Variants in CSGALNACT1 observed in about 807,000 individuals in gnomAD.
CSGALNACT1 encodes chondroitin sulfate N-acetylgalactosaminyltransferase 1.
A neutral mutation model predicts 51.0 loss-of-function variants in CSGALNACT1; 52 were observed. The observed-to-expected ratio is 1.02, with a 90% CI of 0.82 to 1.29. The LOEUF (loss-of-function observed/expected upper bound fraction) is 1.29, where lower values mean the gene tolerates loss of function less well. CSGALNACT1 is among the 50% of genes most tolerant of loss of function. The pLI, the probability that CSGALNACT1 is intolerant of heterozygous loss-of-function variation, is 0.00. For missense variants in CSGALNACT1, 935 were observed against 679.2 expected (o/e 1.38, Z -4.19); for synonymous variants, 341 against 254.4 (o/e 1.34, Z -3.24).
At chr8:19,700,419 T>C (rs756594698) in intron 1 of CSGALNACT1, among the ~76,000 whole-genome samples, 1 of 152,216 alleles carries the variant, frequency 6.6e-6, no homozygotes, top group Non-Finnish European at 1.5e-5. Flanking sequence ...ATCAGGCTAA[T>C]AGCCTTCCTT....
chr8:19,581,899 A>T (rs1177909728), intron 3 of CSGALNACT1, among the ~76,000 whole-genome samples: 1 of 152,220 alleles, frequency 6.6e-6, no homozygotes, highest in African/African-American at 2.4e-5. Flanking sequence ...TCAAAGGATT[A>T]ACAAATTTAT....
intron 1 of CSGALNACT1, among the ~76,000 whole-genome samples, chr8:19,756,886 G>A (rs1025570710): frequency 6.6e-6 from 1 of 152,032 alleles, no homozygotes; most frequent in Non-Finnish European, 1.5e-5. Flanking sequence ...CCCCGGGAGC[G>A]CAGCGGCCCC....
chr8:19,498,979 G>A (rs1321673980), intron 4 of CSGALNACT1, among the ~76,000 whole-genome samples: 1 of 152,100 alleles, frequency 6.6e-6, no homozygotes, highest in Non-Finnish European at 1.5e-5. Context: ...GGCTGGACAT[G>A]GTGGTACACA....
At chr8:19,457,089 C>T (rs1387561281) in intron 5 of CSGALNACT1, among the ~76,000 whole-genome samples, 1 of 152,198 alleles carries the variant, frequency 6.6e-6, no homozygotes, top group Admixed American at 6.5e-5. Flanking sequence ...GGTGCACACA[C>T]ACATTGCCTA....
chr8:19,542,458 C>G (rs190928516), intron 3 of CSGALNACT1, among the ~76,000 whole-genome samples: 23 of 152,264 alleles, frequency 1.5e-4, no homozygotes, highest in African/African-American at 5.5e-4. Flanking sequence ...GTGACAGTCT[C>G]CCAGTCCCAG....
chr8:19,699,346 ATAG>A (rs1223127325), intron 1 of CSGALNACT1, among the ~76,000 whole-genome samples: 1 of 152,246 alleles, frequency 6.6e-6, no homozygotes, highest in African/African-American at 2.4e-5. Flanking sequence ...ACCCATGTTC[ATAG>A]TAGCATTATT....
At chr8:19,420,411 A>G in exon 7 of CSGALNACT1, 1 of 1,614,180 alleles carries the variant, frequency 6.2e-7, no homozygotes, top group African/African-American at 1.3e-5. Flanking sequence ...ACAGAAAAAG[A>G]GAAGGACGTT....
chr8:19,478,500 C>T (rs895151294), intron 4 of CSGALNACT1, among the ~76,000 whole-genome samples: 1 of 151,378 alleles, frequency 6.6e-6, no homozygotes, highest in South Asian at 2.1e-4. Flanking sequence ...GGTGTAGCCT[C>T]GACTCCCCAA....
intron 3 of CSGALNACT1, among the ~76,000 whole-genome samples, chr8:19,555,976 G>C (rs1038837179): frequency 1.3e-5 from 2 of 152,144 alleles, no homozygotes; most frequent in Non-Finnish European, 2.9e-5. Context: ...ACAGCCATCA[G>C]GAACCGGCAT....
chr8:19,699,282 G>A (rs1384535338), intron 1 of CSGALNACT1, among the ~76,000 whole-genome samples: 7 of 152,116 alleles, frequency 4.6e-5, no homozygotes, highest in African/African-American at 1.7e-4. Flanking sequence ...AACCCACAAG[G>A]CCAAGTGTAT....
At chr8:19,670,621 G>A (rs1471187145) in intron 1 of CSGALNACT1, among the ~76,000 whole-genome samples, 3 of 106,210 alleles carry the variant, frequency 2.8e-5, no homozygotes, top group African/African-American at 1.1e-4. Flanking sequence ...TCAACCCTCA[G>A]ACCAGAACTG....
intron 1 of CSGALNACT1, among the ~76,000 whole-genome samples, chr8:19,634,577 A>C (rs2055755996): frequency 6.6e-6 from 1 of 152,154 alleles, no homozygotes; most frequent in African/African-American, 2.4e-5. Flanking sequence ...TGGGTGGATC[A>C]CTTGAGCCCA....
intron 6 of CSGALNACT1, among the ~76,000 whole-genome samples, chr8:19,437,458 G>A (rs1042536767): frequency 2.6e-5 from 4 of 152,130 alleles, no homozygotes; most frequent in African/African-American, 7.2e-5. Flanking sequence ...GTACTGTGAA[G>A]TCAACTCAGG....
At chr8:19,429,410 C>T (rs1182469258) in intron 6 of CSGALNACT1, among the ~76,000 whole-genome samples, 2 of 152,214 alleles carry the variant, frequency 1.3e-5, no homozygotes, top group Non-Finnish European at 2.9e-5. Context: ...CGCCTGACCT[C>T]AGGTGATCTG....
chr8:19,578,503 T>C (rs1380194725), intron 3 of CSGALNACT1, among the ~76,000 whole-genome samples: 1 of 151,446 alleles, frequency 6.6e-6, no homozygotes, highest in Non-Finnish European at 1.5e-5. Flanking sequence ...TTTATTTAAG[T>C]GACTGTATTT....
chr8:19,728,336 C>T (rs746215197), intron 1 of CSGALNACT1, among the ~76,000 whole-genome samples: 13 of 152,124 alleles, frequency 8.5e-5, no homozygotes, highest in Non-Finnish European at 1.5e-4. Flanking sequence ...AACACATCTA[C>T]AGGTCAGCTC....
chr8:19,552,890 G>T (rs778558572), intron 3 of CSGALNACT1, among the ~76,000 whole-genome samples: 25 of 152,120 alleles, frequency 1.6e-4, no homozygotes, highest in Non-Finnish European at 3.4e-4. Flanking sequence ...AACGTACTAA[G>T]AACAGGAGAG....
At chr8:19,736,663 T>C (rs1447199647) in intron 1 of CSGALNACT1, among the ~76,000 whole-genome samples, 1 of 152,080 alleles carries the variant, frequency 6.6e-6, no homozygotes, top group East Asian at 1.9e-4. Context: ...TTGGACATGG[T>C]TAAAAAGAGA....
At chr8:19,455,155 G>A (rs73212547) in intron 5 of CSGALNACT1, among the ~76,000 whole-genome samples, 3,525 of 152,200 alleles carry the variant, frequency 0.023, 54 homozygotes, top group Non-Finnish European at 0.039. Context: ...TCCTCGTGCT[G>A]TTCTACACTG....
Sources: gnomAD v4.1 joint callset for allele counts (sites outside exome capture counted in the v4.1 genomes callset) on GRCh38, gnomAD v4.1.1 for gene constraint, MANE v1.5 for transcripts, NCBI Gene and HGNC (gene_info 2026-07-23, HGNC 2026-07-21) for gene names.